HECW1: variants seen among roughly 807,000 people sequenced by gnomAD.
The protein encoded by HECW1 is HECT, C2 and WW domain containing E3 ubiquitin protein ligase 1.
Under a neutral mutation model 182.3 loss-of-function variants are expected in HECW1, and 61 were observed. The observed-to-expected ratio is 0.33, with a 90% CI of 0.27 to 0.41. HECW1 has a LOEUF of 0.41. HECW1 is among the 10% of genes least tolerant of loss of function. The pLI is 1.00. For synonymous variants in HECW1, 859 were observed against 832.6 expected (o/e 1.03, Z -0.55); for missense variants, 1,739 against 2,108.9 (o/e 0.82, Z 3.44).
chr7:43,153,467 G>A (rs1323096895), intron 2 of HECW1, among the ~76,000 whole-genome samples: 1 of 152,138 alleles, frequency 6.6e-6, no homozygotes, highest in African/African-American at 2.4e-5. Context: ...TATTTTAAGG[G>A]GAAAAAAGTC....
At chr7:43,250,003 G>T (rs1799852135) in intron 3 of HECW1, among the ~76,000 whole-genome samples, 1 of 152,048 alleles carries the variant, frequency 6.6e-6, no homozygotes, top group African/African-American at 2.4e-5. Context: ...CTTAATGCAG[G>T]TTCTTGCTTT....
At chr7:43,133,643 C>T (rs966817878) in intron 2 of HECW1, among the ~76,000 whole-genome samples, 1 of 151,950 alleles carries the variant, frequency 6.6e-6, no homozygotes, top group Admixed American at 6.6e-5. Context: ...CTTCCTTACT[C>T]TGTCCCTTAC....
intron 2 of HECW1, among the ~76,000 whole-genome samples, chr7:43,218,395 G>T (rs1010392357): frequency 3.3e-5 from 5 of 152,170 alleles, no homozygotes; most frequent in African/African-American, 9.7e-5. Flanking sequence ...GACGTATCAT[G>T]GATCTGAACA....
chr7:43,553,385 G>GCTGT (rs1408688177), intron 28 of HECW1, among the ~76,000 whole-genome samples: 1 of 152,078 alleles, frequency 6.6e-6, no homozygotes, highest in Non-Finnish European at 1.5e-5. Flanking sequence ...AATGAAAACC[G>GCTGT]CTGTCTGCCT....
intron 11 of HECW1, 34 bp from the exon 12 acceptor site, chr7:43,450,794 A>G: frequency 1.5e-6 from 2 of 1,341,248 alleles, no homozygotes; most frequent in Non-Finnish European, 2.1e-6. Flanking sequence ...ACGGCAGTGA[A>G]TGAATCTGAA....
At chr7:43,459,703 A>G (rs1354349846) in intron 13 of HECW1, among the ~76,000 whole-genome samples, 1 of 152,034 alleles carries the variant, frequency 6.6e-6, no homozygotes, top group Non-Finnish European at 1.5e-5. Context: ...GCACTCAGCT[A>G]ATTTTTGCAT....
intron 2 of HECW1, among the ~76,000 whole-genome samples, chr7:43,187,339 G>A (rs1298968035): frequency 7.1e-6 from 1 of 141,534 alleles, no homozygotes; most frequent in Non-Finnish European, 1.6e-5. Context: ...CTTTCAAGTG[G>A]AGGAAATTGG....
chr7:43,363,572 TCTG>T (rs1816236327), intron 6 of HECW1, among the ~76,000 whole-genome samples: 1 of 152,172 alleles, frequency 6.6e-6, no homozygotes, highest in South Asian at 2.1e-4. Context: ...GCATAGCCCC[TCTG>T]CCACCAGGGA....
chr7:43,387,558 G>T (rs1373555775), intron 6 of HECW1, among the ~76,000 whole-genome samples: 1 of 152,328 alleles, frequency 6.6e-6, no homozygotes, highest in South Asian at 2.1e-4. Context: ...GCTAACAGCA[G>T]CAAGACATTT....
At chr7:43,550,662 C>T (rs1436414046) in intron 27 of HECW1, 71 bp downstream of exon 27, 1 of 1,452,864 alleles carries the variant, frequency 6.9e-7, no homozygotes, top group Non-Finnish European at 9.4e-7. Flanking sequence ...ATCCTCCAGG[C>T]TCCCTGAGGG....
intron 2 of HECW1, among the ~76,000 whole-genome samples, chr7:43,214,996 T>C (rs979823231): frequency 1.3e-5 from 2 of 152,224 alleles, no homozygotes; most frequent in African/African-American, 2.4e-5. Flanking sequence ...AAGAGGCAGG[T>C]GCAAGGTAGC....
chr7:43,169,124 G>A (rs1457515375), intron 2 of HECW1, among the ~76,000 whole-genome samples: 2 of 152,124 alleles, frequency 1.3e-5, no homozygotes, highest in Non-Finnish European at 2.9e-5. Flanking sequence ...ACATTACTGG[G>A]TAATTACAAG....
chr7:43,131,463 T>C (rs982010299), intron 2 of HECW1, among the ~76,000 whole-genome samples: 13 of 152,160 alleles, frequency 8.5e-5, no homozygotes, highest in Admixed American at 5.2e-4. Flanking sequence ...GTACCTTTGT[T>C]TTGTTTTTTG....
At chr7:43,375,749 C>T (rs746330962) in intron 6 of HECW1, among the ~76,000 whole-genome samples, 37 of 151,662 alleles carry the variant, frequency 2.4e-4, no homozygotes, top group Non-Finnish European at 4.1e-4. Flanking sequence ...AAAAATTAGC[C>T]AGGCATGATA....
chr7:43,512,629 T>C (rs571703550), intron 24 of HECW1, among the ~76,000 whole-genome samples: 4 of 152,336 alleles, frequency 2.6e-5, no homozygotes, highest in African/African-American at 9.6e-5. Context: ...AGTGAAATAG[T>C]GAAAGGACTA....
At position 43,417,406 on chromosome 7, in the gene HECW1, G is replaced by C. The variant is rs1274418929; in HGVS notation, c.801+9675G>C. Reference sequence around the variant, plus strand: ...CTCTGATATCATTTCCCTTCATCATGAGCTCCTTCCCCTGGCCTTTCTAGA... The same window carrying C: ...CTCTGATATCATTTCCCTTCATCATCAGCTCCTTCCCCTGGCCTTTCTAGA... On this transcript the variant is annotated intron_variant, in intron 8 of 29. Coordinates refer to ENST00000395891, the MANE Select transcript of HECW1 (RefSeq NM_015052.5). Among the ~76,000 whole-genome samples the C allele has an allele frequency of 3.3e-5, 5 of 152,084 alleles. No individual in the cohort carries two copies. In the East Asian group the frequency reaches 9.6e-4, roughly 29 times the overall value.
rs780958494 is a variant in HECW1 at position 43,541,220 on chromosome 7, C to T, written c.4077C>T (p.Asp1359=). The change falls in exon 25 of 30, where the codon GAC becomes GAT. Residue 1359 remains aspartate (D), a synonymous_variant. Transcript: ENST00000395891. ...GLALIHQYLL[D]AFFTRPFYKA... is the part of the protein sequence containing the mutation. Reference sequence around the variant, plus strand: ...CTCTGATCCATCAGTACCTTCTTGACGCTTTCTTCACGAGGCCCTTCTACA... The same window carrying T: ...CTCTGATCCATCAGTACCTTCTTGATGCTTTCTTCACGAGGCCCTTCTACA... 8.1e-6 allele frequency: 13 copies of T among 1,614,198 alleles called. No individual in the cohort carries two copies. The highest frequency in any genetic ancestry group is 5.0e-5 in the Admixed American group (3 of 60,036).
chr7:43,199,583 T>C (rs1409067791), intron 2 of HECW1, among the ~76,000 whole-genome samples: 1 of 152,156 alleles, frequency 6.6e-6, no homozygotes, highest in Non-Finnish European at 1.5e-5. Context: ...TCAACAAAAA[T>C]AAGTACATAG....
intron 6 of HECW1, among the ~76,000 whole-genome samples, chr7:43,370,367 T>C (rs1270526434): frequency 6.6e-6 from 1 of 152,200 alleles, no homozygotes; most frequent in Non-Finnish European, 1.5e-5. Context: ...CTGTCAAGGA[T>C]ATGGAGCAAC....
Sources: allele counts gnomAD v4.1 joint callset (sites outside exome capture counted in the v4.1 genomes callset), GRCh38; gene constraint gnomAD v4.1.1; transcripts MANE v1.5; gene names NCBI Gene and HGNC (gene_info 2026-07-23, HGNC 2026-07-21).